Variants in SEMA3A observed in about 807,000 individuals in gnomAD.
SEMA3A encodes semaphorin-3A.
In SEMA3A, 29 loss-of-function variants were observed where a neutral mutation model predicts 97.9. The ratio of observed to expected loss-of-function variants is 0.30; its 90% CI spans 0.22 to 0.40. The LOEUF (loss-of-function observed/expected upper bound fraction) is 0.40, where lower values mean the gene tolerates loss of function less well. Among genes scored for constraint, SEMA3A ranks in the 10% least tolerant of loss-of-function variants. The pLI is 1.00. For synonymous variants in SEMA3A, 321 were observed against 323.7 expected, an observed-to-expected ratio of 0.99 and a Z score of 0.09; for missense variants, 763 against 951.3, an observed-to-expected ratio of 0.80 and a Z score of 2.60.
chr7:84,467,981 T>C (rs1276383093), intron 1 of SEMA3A, among the ~76,000 whole-genome samples: 2 of 152,158 alleles, frequency 1.3e-5, no homozygotes, highest in Admixed American at 6.5e-5. Context: ...TATCAAGCCC[T>C]ACCAAGCAAA....
chr7:84,473,400 A>G (rs1273070331), intron 1 of SEMA3A, among the ~76,000 whole-genome samples: 1 of 148,952 alleles, frequency 6.7e-6, no homozygotes, highest in Non-Finnish European at 1.5e-5. Context: ...TAATATTATT[A>G]TTATTATTAT....
At chr7:84,319,793 T>C (rs1297427817) in intron 2 of SEMA3A, among the ~76,000 whole-genome samples, 1 of 152,212 alleles carries the variant, frequency 6.6e-6, no homozygotes, top group Non-Finnish European at 1.5e-5. Context: ...CACTAGATCC[T>C]CTTATTTAAC....
intron 13 of SEMA3A, among the ~76,000 whole-genome samples, chr7:83,982,554 A>T (rs1789457880): frequency 6.6e-6 from 1 of 152,192 alleles, no homozygotes; most frequent in Non-Finnish European, 1.5e-5. Flanking sequence ...GGATTCAATA[A>T]TTATAGTAAG....
chr7:84,341,783 G>A (rs961852805), intron 2 of SEMA3A, among the ~76,000 whole-genome samples: 4 of 151,948 alleles, frequency 2.6e-5, no homozygotes, highest in Non-Finnish European at 4.4e-5. Context: ...CTAGAAATCC[G>A]GTCGTGTTAG....
At chr7:84,046,198 G>A (rs1169658094) in intron 6 of SEMA3A, 126 bp downstream of exon 6, 4 of 1,057,092 alleles carry the variant, frequency 3.8e-6, no homozygotes, top group Non-Finnish European at 5.4e-6. Context: ...CCATCATGAA[G>A]TCACCACCAT....
intron 3 of SEMA3A, among the ~76,000 whole-genome samples, chr7:84,266,310 T>A (rs555070129): frequency 1.2e-5 from 1 of 84,900 alleles, no homozygotes; most frequent in South Asian, 4.3e-4. Context: ...TGAGATTTGG[T>A]CTCAAAAAAA....
Position 84,194,766 on chromosome 7 carries a change from G to T in SEMA3A, c.-180C>A. On this transcript the variant is annotated 5_prime_UTR_variant, in exon 1 of 17. Coordinates refer to ENST00000265362, the MANE Select transcript of SEMA3A (RefSeq NM_006080.3). ...CACCTCTTCTTCTGTAACAGTCACT[G>T]AAGCACAGAAACTTCAAACCCTCCA... 8 of 317,622 alleles carry T rather than the reference G, an allele frequency of 2.5e-5. No homozygotes were observed. The highest frequency in any genetic ancestry group is 1.1e-4 in the South Asian group (1 of 9,504). 19.7% of individuals were successfully genotyped at this position (317,622 alleles called of 1,614,324 possible). A position where few individuals can be genotyped will look rare whatever the true frequency, so the allele number is the denominator to read the frequency against.
intron 1 of SEMA3A, among the ~76,000 whole-genome samples, chr7:84,385,164 G>GAA (rs1803367027): frequency 6.6e-6 from 1 of 151,846 alleles, no homozygotes; most frequent in Non-Finnish European, 1.5e-5. Flanking sequence ...AGAGTGAGAG[G>GAA]CATGTAGAAG....
At chr7:84,057,974 C>G (rs1793062106) in intron 5 of SEMA3A, among the ~76,000 whole-genome samples, 1 of 152,024 alleles carries the variant, frequency 6.6e-6, no homozygotes, top group Admixed American at 6.6e-5. Flanking sequence ...AAACCCATGG[C>G]ATTTTGGGAA....
chr7:84,134,539 A>C (rs1010952450), intron 2 of SEMA3A, among the ~76,000 whole-genome samples: 5 of 152,202 alleles, frequency 3.3e-5, no homozygotes, highest in African/African-American at 1.2e-4. Flanking sequence ...ATGTAGGAAA[A>C]ATAGATATGA....
intron 1 of SEMA3A, among the ~76,000 whole-genome samples, chr7:84,467,010 C>T (rs1806015478): frequency 6.6e-6 from 1 of 152,116 alleles, no homozygotes; most frequent in South Asian, 2.1e-4. Flanking sequence ...CATACATCTG[C>T]ATGTGATGAT....
intron 3 of SEMA3A, among the ~76,000 whole-genome samples, chr7:84,114,303 A>G (rs933341): frequency 0.72 from 110,214 of 152,040 alleles, 40,419 homozygotes; most frequent in East Asian, 0.91. Context: ...AAGAGAAAAG[A>G]AGAGAAGACT....
chr7:84,292,999 A>G (rs911574221), intron 3 of SEMA3A, among the ~76,000 whole-genome samples: 45 of 152,102 alleles, frequency 3.0e-4, no homozygotes, highest in African/African-American at 9.6e-4. Flanking sequence ...CATTATATAG[A>G]AGTAGAAATT....
intron 6 of SEMA3A, among the ~76,000 whole-genome samples, chr7:84,026,389 G>A (rs1791544950): frequency 6.6e-6 from 1 of 151,970 alleles, no homozygotes; most frequent in Non-Finnish European, 1.5e-5. Flanking sequence ...TTATTTATTT[G>A]TTTTCTATTA....
At chr7:84,388,899 T>C (rs896529149) in intron 1 of SEMA3A, among the ~76,000 whole-genome samples, 1 of 152,048 alleles carries the variant, frequency 6.6e-6, no homozygotes, top group African/African-American at 2.4e-5. Context: ...TTCTAAGTGA[T>C]TATAAACAAA....
Position 84,447,609 on chromosome 7 carries a change from T to G in SEMA3A, c.-246+44851A>C, listed in dbSNP as rs185071942. Among the ~76,000 whole-genome samples the G allele has an allele frequency of 2.4e-3, 368 of 152,244 alleles. 1 individual carries two copies. Among genetic ancestry groups the G allele is most frequent in the African/African-American group, 8.5e-3 (352 of 41,554 alleles). ...GTTTCCTGGACTCATTGGAATGACC[T>G]GCCTGTGGAAAGGAGCTACCCACTT... On this transcript the variant is annotated intron_variant, in intron 1 of 3. Transcript: ENST00000424555.
At chr7:83,991,009 T>C (rs1403711844) in intron 12 of SEMA3A, among the ~76,000 whole-genome samples, 4 of 151,660 alleles carry the variant, frequency 2.6e-5, no homozygotes, top group Non-Finnish European at 5.9e-5. Flanking sequence ...CAGTGATTTG[T>C]ACTTCTCCTT....
At chr7:84,134,078 A>C (rs1323220829) in intron 2 of SEMA3A, among the ~76,000 whole-genome samples, 1 of 151,908 alleles carries the variant, frequency 6.6e-6, no homozygotes, top group Admixed American at 6.6e-5. Flanking sequence ...AACAACAACA[A>C]CAACAAAAAT....
At chr7:84,268,312 G>A (rs746265962) in intron 3 of SEMA3A, among the ~76,000 whole-genome samples, 4 of 151,116 alleles carry the variant, frequency 2.6e-5, no homozygotes, top group Non-Finnish European at 5.9e-5. Context: ...CTCTGAGAGA[G>A]AGAACTCTGA....
Sources: allele counts gnomAD v4.1 joint callset (sites outside exome capture counted in the v4.1 genomes callset), GRCh38; gene constraint gnomAD v4.1.1; transcripts MANE v1.5; gene names NCBI Gene and HGNC (gene_info 2026-07-23, HGNC 2026-07-21).